TSHZ2: variants seen among roughly 807,000 people sequenced by gnomAD.
The protein encoded by TSHZ2 is teashirt zinc finger homeobox 2, also known as teashirt homolog 2.
In TSHZ2, 21 loss-of-function variants were observed where a neutral mutation model predicts 74.4. That is an observed-to-expected ratio of 0.28 (90% CI 0.20 to 0.41). The LOEUF is 0.41. TSHZ2 is among the 10% of genes least tolerant of loss of function. The probability of loss-of-function intolerance (pLI) is 1.00; values close to 1 mark genes in which losing one functional copy is unlikely to be tolerated. For missense variants in TSHZ2, 1,244 were observed against 1,293.5 expected (o/e 0.96, Z 0.59); for synonymous variants, 540 against 515.3 (o/e 1.05, Z -0.65).
intron 2 of TSHZ2, among the ~76,000 whole-genome samples, chr20:53,437,401 G>A (rs1294476705): frequency 6.6e-6 from 1 of 151,894 alleles, no homozygotes. Context: ...TGAACCCGGG[G>A]GACAGAGGTT....
At chr20:53,339,766 A>G (rs1222162458) in intron 2 of TSHZ2, among the ~76,000 whole-genome samples, 1 of 152,128 alleles carries the variant, frequency 6.6e-6, no homozygotes, top group Non-Finnish European at 1.5e-5. Context: ...GAGCCCAGGA[A>G]AGCTGGGGGA....
At chr20:53,359,468 T>G (rs1472921704) in intron 2 of TSHZ2, among the ~76,000 whole-genome samples, 2 of 152,228 alleles carry the variant, frequency 1.3e-5, no homozygotes, top group Non-Finnish European at 2.9e-5. Context: ...GGGAACATAC[T>G]TAAACAAAAA....
At chr20:53,064,170 AT>A (rs1727177998) in intron 1 of TSHZ2, among the ~76,000 whole-genome samples, 1 of 152,202 alleles carries the variant, frequency 6.6e-6, no homozygotes, top group Non-Finnish European at 1.5e-5. Flanking sequence ...ATATTTTTAA[AT>A]GTTGTGCTTG....
intron 2 of TSHZ2, among the ~76,000 whole-genome samples, chr20:53,425,495 G>A (rs1033887350): frequency 8.5e-5 from 13 of 152,260 alleles, no homozygotes; most frequent in East Asian, 3.9e-4. Flanking sequence ...AATTTGATGC[G>A]TCTTCACGGG....
In TSHZ2 at chr20:53,039,789, C is replaced by T. The variant is rs991494319; in HGVS notation, c.40+66456C>T. ...AGCTAGACTCCATCTCAAACACACACACACACACACACACACACACACACA... is the reference window on the plus strand; with the variant it reads ...AGCTAGACTCCATCTCAAACACACATACACACACACACACACACACACACA... On this transcript the variant is annotated intron_variant, in intron 1 of 2. Coordinates refer to ENST00000371497, the MANE Select transcript of TSHZ2 (RefSeq NM_173485.6). Among the ~76,000 whole-genome samples the T allele has an allele frequency of 5.6e-3, 703 of 125,894 alleles. 8 individuals carry two copies. Among genetic ancestry groups the T allele is most frequent in the East Asian group, 0.026 (128 of 4,854 alleles). 82.6% of individuals were successfully genotyped at this position (125,894 alleles called of 152,430 possible).
At chr20:53,333,773 A>C (rs1283436447) in intron 2 of TSHZ2, among the ~76,000 whole-genome samples, 2 of 152,180 alleles carry the variant, frequency 1.3e-5, no homozygotes, top group Non-Finnish European at 2.9e-5. Flanking sequence ...CGTGGTTTCA[A>C]ACCCTTGAGC....
chr20:53,229,677 G>A (rs1989773265), intron 1 of TSHZ2, among the ~76,000 whole-genome samples: 1 of 151,900 alleles, frequency 6.6e-6, no homozygotes, highest in South Asian at 2.1e-4. Flanking sequence ...TTCCTCTTTG[G>A]GAGCAGCACT....
chr20:53,241,040 G>T (rs768730708), intron 1 of TSHZ2, among the ~76,000 whole-genome samples: 2 of 152,098 alleles, frequency 1.3e-5, no homozygotes, highest in Non-Finnish European at 2.9e-5. Context: ...GGTACTATTA[G>T]GAGGATGCTG....
intron 1 of TSHZ2, among the ~76,000 whole-genome samples, chr20:53,243,044 G>T (rs572894987): frequency 4.1e-4 from 63 of 152,230 alleles, no homozygotes; most frequent in African/African-American, 1.4e-3. Context: ...AAATAACTTT[G>T]GTTGTTGGTA....
rs1568939869 is a variant in TSHZ2 at position 53,489,227 on chromosome 20, T to C, written c.*2092T>C. 2.2e-6 allele frequency: 1 copy of C among 455,344 alleles called. No homozygotes were observed. Among genetic ancestry groups the C allele is most frequent in the Non-Finnish European group, 4.4e-6 (1 of 226,322 alleles). 28.2% of individuals were successfully genotyped at this position (455,344 alleles called of 1,614,324 possible). On this transcript the variant is annotated 3_prime_UTR_variant, in exon 3 of 3. Coordinates refer to ENST00000371497, the MANE Select transcript of TSHZ2 (RefSeq NM_173485.6). The stretch of plus-strand genomic sequence containing the variant: ...AAAAGCAAGGTGCTGATATTATTTT[T>C]TATGATGGGAGGATCATAAAGTGAA...
intron 1 of TSHZ2, among the ~76,000 whole-genome samples, chr20:53,182,185 T>TTCTTTCTTTCTTCTTC (rs1446338926): frequency 9.6e-4 from 140 of 145,130 alleles, no homozygotes; most frequent in African/African-American, 3.2e-3. Context: ...TTCCTTCCTT[T>TTCTTTCTTTCTTCTTC]TCTTTCTTTC....
chr20:53,126,250 C>T (rs1323591956), intron 1 of TSHZ2, among the ~76,000 whole-genome samples: 3 of 152,184 alleles, frequency 2.0e-5, no homozygotes, highest in Non-Finnish European at 4.4e-5. Context: ...CAAAGAGAGC[C>T]AGCGCTTCCT....
chr20:53,484,419 T>C (rs1182989459), intron 2 of TSHZ2, among the ~76,000 whole-genome samples: 3 of 147,346 alleles, frequency 2.0e-5, no homozygotes, highest in Non-Finnish European at 3.0e-5. Flanking sequence ...AGAGTCTCAC[T>C]CTGTTGCCCA....
intron 2 of TSHZ2, among the ~76,000 whole-genome samples, chr20:53,352,207 T>C (rs1352568589): frequency 6.7e-6 from 1 of 150,058 alleles, no homozygotes; most frequent in African/African-American, 2.5e-5. Context: ...CCCACTGCAT[T>C]CCGTTTTGGC....
At chr20:53,108,421 C>T (rs905001810) in intron 1 of TSHZ2, among the ~76,000 whole-genome samples, 3 of 152,202 alleles carry the variant, frequency 2.0e-5, no homozygotes, top group Non-Finnish European at 2.9e-5. Flanking sequence ...TAAAAACAAG[C>T]CGCCCTGAGG....
chr20:53,463,384 A>AAGGT (rs1361516157), intron 2 of TSHZ2, among the ~76,000 whole-genome samples: 1 of 40,858 alleles, frequency 2.4e-5, no homozygotes, highest in African/African-American at 1.1e-4. Context: ...GAGAGAGAGG[A>AAGGT]AGGAAGGAAG....
intron 1 of TSHZ2, among the ~76,000 whole-genome samples, chr20:52,999,973 A>G (rs1377713247): frequency 1.3e-5 from 2 of 152,220 alleles, no homozygotes; most frequent in East Asian, 3.8e-4. Context: ...TGAAAACAAC[A>G]GCTAATATTT....
At chr20:53,298,009 A>G (rs2145474938) in intron 2 of TSHZ2, among the ~76,000 whole-genome samples, 1 of 152,338 alleles carries the variant, frequency 6.6e-6, no homozygotes, top group African/African-American at 2.4e-5. Context: ...TAATGTATCC[A>G]TAAAGGAGCT....
At chr20:53,230,632 C>T (rs1989800923) in intron 1 of TSHZ2, among the ~76,000 whole-genome samples, 1 of 152,186 alleles carries the variant, frequency 6.6e-6, no homozygotes, top group Admixed American at 6.5e-5. Context: ...GTGGCTCACG[C>T]CTGTAATCCC....
Sources: gnomAD v4.1 joint callset for allele counts (sites outside exome capture counted in the v4.1 genomes callset) on GRCh38, gnomAD v4.1.1 for gene constraint, MANE v1.5 for transcripts, NCBI Gene and HGNC (gene_info 2026-07-23, HGNC 2026-07-21) for gene names.